DDAH1: variants seen among roughly 807,000 people sequenced by gnomAD.
DDAH1 encodes the protein N(G),N(G)-dimethylarginine dimethylaminohydrolase 1.
DDAH1 carries 19 observed loss-of-function variants against 28.8 expected under a neutral mutation model. The ratio of observed to expected loss-of-function variants is 0.66; its 90% confidence interval spans 0.46 to 0.97. DDAH1 has a LOEUF of 0.97. Among genes scored for constraint, DDAH1 ranks in the 50% least tolerant of loss-of-function variants. The probability of loss-of-function intolerance (pLI) is 0.00; values close to 1 mark genes in which losing one functional copy is unlikely to be tolerated. For synonymous variants in DDAH1, 153 were observed against 154.4 expected (o/e 0.99, Z 0.07); for missense variants, 326 against 375.9 (o/e 0.87, Z 1.10).
intron 1 of DDAH1, among the ~76,000 whole-genome samples, chr1:85,401,501 C>CT (rs34520534): frequency 7.6e-4 from 79 of 103,332 alleles, no homozygotes; most frequent in East Asian, 2.7e-3. Context: ...TTTTTTCTTT[C>CT]TTTTTTTTTT....
At chr1:85,397,379 CTG>C (rs567709918) in intron 1 of DDAH1, among the ~76,000 whole-genome samples, 122 of 152,280 alleles carry the variant, frequency 8.0e-4, no homozygotes, top group African/African-American at 2.9e-3. Flanking sequence ...AAGAAAGAAA[CTG>C]GTAGTTTAGT....
chr1:85,562,402 TAA>T (rs1368464362), intron 1 of DDAH1, among the ~76,000 whole-genome samples: 1 of 152,108 alleles, frequency 6.6e-6, no homozygotes, highest in African/African-American at 2.4e-5. Context: ...AAAAGAAGAA[TAA>T]AAGTTTCTGT....
chr1:85,351,514 T>C lies in DDAH1; in HGVS notation c.469A>G (p.Thr157Ala). 6.2e-7 allele frequency: 1 copy of C among 1,614,052 alleles called. No individual in the cohort carries two copies. The highest frequency in any genetic ancestry group is 8.5e-7 in the Non-Finnish European group (1 of 1,179,940). The change falls in exon 3 of 6, where the codon ACT becomes GCT. Residue 157 changes from threonine (T) to alanine (A), a missense_variant. By Grantham distance (58) the Thr-to-Ala change is moderately conservative. Transcript: ENST00000284031. ...AACTACCTTTTACCTACCTTAAAAG[T>C]ATCAGCCAAGATTTCAGCACCTCGT... ...NQRGAEILAD[T>A]FKDYAVSTVP...
Position 85,410,661 on chromosome 1 carries a change from G to A in DDAH1, c.304-51814C>T, listed in dbSNP as rs183170867. ...TCAAAAAAAAAAAAAAAATGGAAAT[G>A]AGGTTAACATTGAATATTCTGGGGT... is the stretch of plus-strand genomic sequence containing the variant. On this transcript the variant is annotated intron_variant, in intron 1 of 5. Transcript: ENST00000284031. 1.2e-3 allele frequency among the ~76,000 whole-genome samples: 182 copies of A among 147,798 alleles called. 2 individuals are homozygous for A. The highest frequency in any genetic ancestry group is 7.3e-3 in the East Asian group (37 of 5,064).
chr1:85,382,959 T>TGC (rs1320229859), intron 1 of DDAH1, among the ~76,000 whole-genome samples: 1 of 152,242 alleles, frequency 6.6e-6, no homozygotes, highest in Non-Finnish European at 1.5e-5. Context: ...TCATTGACAA[T>TGC]GCACCTGGTC....
chr1:85,412,661 A>C (rs533167116), intron 1 of DDAH1, among the ~76,000 whole-genome samples: 9 of 152,212 alleles, frequency 5.9e-5, no homozygotes, highest in Non-Finnish European at 1.3e-4. Context: ...AGTTCCTTAG[A>C]GAATGATGAG....
At chr1:85,479,363 C>T (rs1655920533) in intron 2 of DDAH1, among the ~76,000 whole-genome samples, 1 of 150,912 alleles carries the variant, frequency 6.6e-6, no homozygotes, top group Admixed American at 6.6e-5. Context: ...TTAGTAGAGA[C>T]GGGGTTTCAC....
intron 4 of DDAH1, among the ~76,000 whole-genome samples, chr1:85,343,534 T>C (rs572746659): frequency 6.6e-5 from 10 of 152,258 alleles, no homozygotes; most frequent in African/African-American, 2.4e-4. Context: ...AACAGCCAGA[T>C]AGTAAGACAA....
chr1:85,574,534 C>G (rs2100573121), intron 1 of DDAH1, among the ~76,000 whole-genome samples: 1 of 152,322 alleles, frequency 6.6e-6, no homozygotes, highest in Non-Finnish European at 1.5e-5. Flanking sequence ...TCCTTTCAGC[C>G]CCAGATTAGT....
At chr1:85,520,072 A>G (rs1396410000) in intron 1 of DDAH1, among the ~76,000 whole-genome samples, 2 of 151,912 alleles carry the variant, frequency 1.3e-5, no homozygotes, top group African/African-American at 2.4e-5. Context: ...GCAGTACCCA[A>G]TGTGTAGTCT....
At chr1:85,409,659 TC>T (rs758241784) in intron 1 of DDAH1, among the ~76,000 whole-genome samples, 2 of 152,174 alleles carry the variant, frequency 1.3e-5, no homozygotes, top group Non-Finnish European at 2.9e-5. Context: ...CTACCTGACT[TC>T]CACAGCAGGG....
chr1:85,394,692 A>G (rs1651722535), intron 1 of DDAH1, among the ~76,000 whole-genome samples: 1 of 152,234 alleles, frequency 6.6e-6, no homozygotes, highest in African/African-American at 2.4e-5. Flanking sequence ...GATAGTGGCC[A>G]GCTTTGTTTA....
intron 2 of DDAH1, chr1:85,482,388 A>AGGGG (rs1656040015): frequency 2.0e-5 from 3 of 152,220 alleles, no homozygotes; most frequent in African/African-American, 7.2e-5. Context: ...TTGTCAAAAA[A>AGGGG]CGTCTTTCAA....
rs141896069 is a variant in DDAH1, at chr1:85,510,299, T to A, written c.-122-14018A>T. On this transcript the variant is annotated intron_variant, in intron 1 of 6. Transcript: ENST00000426972. ...AAATCCTTTACAGACAAGCAAATGC[T>A]GAGAGAATTTGTCACAACCAGGCTT... 3.4e-4 allele frequency among the ~76,000 whole-genome samples: 52 copies of A among 152,324 alleles called. 1 individual carries two copies. The East Asian group carries it at 9.4e-3, about 28-fold the overall frequency.
intron 2 of DDAH1, among the ~76,000 whole-genome samples, chr1:85,484,641 T>C (rs1656139318): frequency 2.0e-5 from 3 of 152,206 alleles, no homozygotes; most frequent in Admixed American, 2.0e-4. Context: ...AAAAAGGAAT[T>C]TCTCCACAGT....
intron 1 of DDAH1, among the ~76,000 whole-genome samples, chr1:85,389,290 T>G (rs1054594449): frequency 9.2e-5 from 14 of 152,202 alleles, no homozygotes; most frequent in African/African-American, 3.4e-4. Context: ...TAAAAGTTGT[T>G]TTTATCTCAA....
At position 85,339,484 on chromosome 1, in the gene DDAH1, T is replaced by C. The variant is rs149534264; in HGVS notation, c.597+10931A>G. Among the ~76,000 whole-genome samples the C allele has an allele frequency of 3.5e-3, 538 of 152,290 alleles. 3 individuals are homozygous for C. The highest frequency in any genetic ancestry group is 0.012 in the African/African-American group (515 of 41,548). ...GATTTAGAAATATTCTTAAAGATTA[T>C]TGGACAAATACAACATTTTGAAAGA... On this transcript the variant is annotated intron_variant, in intron 4 of 5. Coordinates refer to ENST00000284031, the MANE Select transcript of DDAH1 (RefSeq NM_012137.4).
At chr1:85,536,552 AAAAC>A (rs1489629385) in intron 1 of DDAH1, among the ~76,000 whole-genome samples, 3 of 152,136 alleles carry the variant, frequency 2.0e-5, no homozygotes, top group East Asian at 3.8e-4. Context: ...ATTCCTTCTC[AAAAC>A]AAACAAACAA....
At chr1:85,387,040 C>G (rs1651303751) in intron 1 of DDAH1, among the ~76,000 whole-genome samples, 1 of 152,156 alleles carries the variant, frequency 6.6e-6, no homozygotes, top group Admixed American at 6.5e-5. Context: ...TCCCCTGAAA[C>G]CACTCTGACC....
Sources: gnomAD v4.1 joint callset for allele counts (sites outside exome capture counted in the v4.1 genomes callset) on GRCh38, gnomAD v4.1.1 for gene constraint, MANE v1.5 for transcripts, NCBI Gene and HGNC (gene_info 2026-07-23, HGNC 2026-07-21) for gene names.